Variants in CADPS observed in about 807,000 individuals in gnomAD.
The protein encoded by CADPS is calcium-dependent secretion activator 1.
In CADPS, 57 loss-of-function variants were observed where a neutral mutation model predicts 167.3. That is an observed-to-expected ratio of 0.34 (90% CI 0.28 to 0.42). CADPS has a LOEUF of 0.42. CADPS is among the 20% of genes least tolerant of loss of function. CADPS has a pLI of 1.00. For missense variants in CADPS, 1,414 were observed against 1,738.1 expected, an observed-to-expected ratio of 0.81 and a Z score of 3.32; for synonymous variants, 676 against 635.3, an observed-to-expected ratio of 1.06 and a Z score of -0.96.
intron 8 of CADPS, among the ~76,000 whole-genome samples, chr3:62,573,866 C>T (rs2081781392): frequency 6.6e-6 from 1 of 152,192 alleles, no homozygotes; most frequent in Non-Finnish European, 1.5e-5. Flanking sequence ...AAATACTTAG[C>T]ATAGAAACAT....
rs2059120280 is a variant in CADPS at position 62,597,641 on chromosome 3, A to G, written c.1326-4893T>C. ...TGCTCAGCTCATAAGGCGTGTAACAAGAGTCTGACTGTGGGGCAGTCAGTG... is the reference window on the plus strand; with the variant it reads ...TGCTCAGCTCATAAGGCGTGTAACAGGAGTCTGACTGTGGGGCAGTCAGTG... On this transcript the variant is annotated intron_variant, in intron 6 of 29. Transcript: ENST00000383710. Among the ~76,000 whole-genome samples, 3 of 152,166 alleles carry G rather than the reference A, an allele frequency of 2.0e-5. No homozygotes were observed. In the East Asian group the frequency reaches 5.8e-4, roughly 29 times the overall value.
chr3:62,808,533 G>C (rs1171336188), intron 1 of CADPS, among the ~76,000 whole-genome samples: 1 of 152,024 alleles, frequency 6.6e-6, no homozygotes, highest in African/African-American at 2.4e-5. Context: ...TATCTTATTT[G>C]TATAATTTCT....
intron 24 of CADPS, among the ~76,000 whole-genome samples, chr3:62,472,571 C>T (rs1257634605): frequency 6.6e-6 from 1 of 152,172 alleles, no homozygotes; most frequent in Non-Finnish European, 1.5e-5. Flanking sequence ...AGAGGGCCAC[C>T]TGGCAGCTTG....
intron 6 of CADPS, among the ~76,000 whole-genome samples, chr3:62,608,123 C>G (rs2060949082): frequency 6.6e-6 from 1 of 152,098 alleles, no homozygotes; most frequent in South Asian, 2.1e-4. Flanking sequence ...TTCCCAGTTG[C>G]ATCTGGGGCT....
Position 62,438,191 on chromosome 3 carries a change from G to T in CADPS, c.3690C>A (p.Ala1230=), listed in dbSNP as rs982168584. Residue 1230 remains alanine, a synonymous_variant, in exon 28 of 30, where the codon GCC becomes GCA. Coordinates refer to ENST00000383710, the MANE Select transcript of CADPS (RefSeq NM_003716.4). The surrounding 1 kb of genome is among the most constrained non-coding windows in gnomAD (Gnocchi z 4.7). ...GGCGGACGAAAGTCACGTAGGCGTC[G>T]GCCACGTCCATCCCGGGTTTCTGTA... is the stretch of plus-strand genomic sequence containing the variant. ...VDVPKPGMDV[A]DAYVTFVRHS... 5.6e-6 allele frequency: 9 copies of T among 1,613,426 alleles called. No individual in the cohort carries two copies. Among genetic ancestry groups the T allele is most frequent in the Non-Finnish European group, 7.6e-6 (9 of 1,179,512 alleles).
chr3:62,404,167 G>T (rs1411097308), intron 28 of CADPS: 1 of 152,310 alleles, frequency 6.6e-6, no homozygotes, highest in East Asian at 1.9e-4. Context: ...AAATGAAAAG[G>T]TGTGGATGGA....
At chr3:62,429,792 G>A (rs2053566181) in intron 28 of CADPS, among the ~76,000 whole-genome samples, 1 of 152,122 alleles carries the variant, frequency 6.6e-6, no homozygotes, top group African/African-American at 2.4e-5. Flanking sequence ...ACGTAACAGA[G>A]CAATCAGCTT....
At chr3:62,550,358 G>A (rs1452081) in intron 10 of CADPS, among the ~76,000 whole-genome samples, 93,935 of 151,706 alleles carry the variant, frequency 0.62, 30,978 homozygotes, top group Admixed American at 0.74. Flanking sequence ...TGCCAAGCAG[G>A]CTGCCTGCTT....
At position 62,753,564 on chromosome 3, in the gene CADPS, C is replaced by T; in HGVS notation, c.765G>A (p.Gln255=). The T allele has an allele frequency of 6.2e-7, 1 of 1,614,162 alleles. No homozygotes were observed. Among genetic ancestry groups the T allele is most frequent in the Non-Finnish European group, 8.5e-7 (1 of 1,180,038 alleles). The change falls in exon 3 of 30, where the codon CAG becomes CAA. Residue 255 remains glutamine, a synonymous_variant. Transcript: ENST00000383710. This position sits in a 1 kb window ranked among gnomAD's most constrained non-coding sequence, Gnocchi z 4.6. ...AGGCTGCGCTGGCTGTCATCCGGGC[C>T]TGCTGCTTCCGCGGGTCCTCTTCTC... ...YRGEEDPRKQ[Q]ARMTASAASE...
intron 1 of CADPS, among the ~76,000 whole-genome samples, chr3:62,811,443 C>T (rs2094391551): frequency 6.6e-6 from 1 of 152,166 alleles, no homozygotes; most frequent in Non-Finnish European, 1.5e-5. Flanking sequence ...ATGCATTGGG[C>T]ACTATGGATT....
chr3:62,790,429 G>A (rs928351879), intron 1 of CADPS, among the ~76,000 whole-genome samples: 2 of 151,956 alleles, frequency 1.3e-5, no homozygotes, highest in African/African-American at 4.8e-5. Flanking sequence ...ATGTCTCCAT[G>A]TATATTTGTT....
At chr3:62,550,670 G>A (rs1309864487) in intron 10 of CADPS, among the ~76,000 whole-genome samples, 1 of 152,112 alleles carries the variant, frequency 6.6e-6, no homozygotes, top group Non-Finnish European at 1.5e-5. Flanking sequence ...AGGACCACAT[G>A]TTGAGTAGCA....
At chr3:62,543,666 AC>A (rs1191541911) in intron 11 of CADPS, among the ~76,000 whole-genome samples, 5 of 152,120 alleles carry the variant, frequency 3.3e-5, no homozygotes, top group African/African-American at 1.2e-4. Flanking sequence ...AAAGAAGGAA[AC>A]AAAAAAAATT....
intron 1 of CADPS, among the ~76,000 whole-genome samples, chr3:62,844,620 C>T (rs1426778898): frequency 3.9e-5 from 6 of 152,164 alleles, no homozygotes; most frequent in African/African-American, 9.7e-5. Context: ...GCGTAGGTAT[C>T]GGGGTCTATA....
chr3:62,741,682 A>C (rs529481567), intron 3 of CADPS, among the ~76,000 whole-genome samples: 27 of 152,198 alleles, frequency 1.8e-4, no homozygotes, highest in Non-Finnish European at 3.1e-4. Context: ...GAACAGGCAA[A>C]AGCTGGAGGC....
chr3:62,855,046 T>A (rs2079386029), intron 1 of CADPS, among the ~76,000 whole-genome samples: 1 of 145,776 alleles, frequency 6.9e-6, no homozygotes, highest in African/African-American at 2.5e-5. Flanking sequence ...TGCCTCAGCC[T>A]CCCCAGTAGC....
chr3:62,845,047 T>C (rs2077191074), intron 1 of CADPS, among the ~76,000 whole-genome samples: 1 of 152,218 alleles, frequency 6.6e-6, no homozygotes, highest in Non-Finnish European at 1.5e-5. Flanking sequence ...GTGGTACTTT[T>C]AGCTCTACCT....
chr3:62,705,032 G>C lies in CADPS; in HGVS notation c.889-42638C>G, dbSNP rs569942615. ...ATACCTGCACCTTGATGATGCTTGG[G>C]ATTCCAGCTTAGCCTTAAAAGTAAC... On this transcript the variant is annotated intron_variant, in intron 3 of 29. Coordinates refer to ENST00000383710, the MANE Select transcript of CADPS (RefSeq NM_003716.4). Among the ~76,000 whole-genome samples the C allele has an allele frequency of 2.0e-5, 3 of 152,192 alleles. No homozygotes were observed. In the South Asian group the frequency reaches 6.2e-4, roughly 32 times the overall value.
At chr3:62,549,870 G>A (rs201329413) in intron 11 of CADPS, 33 bp downstream of exon 11, 4 of 1,534,770 alleles carry the variant, frequency 2.6e-6, no homozygotes, top group Non-Finnish European at 3.6e-6. Context: ...TTACTCTACA[G>A]AGCTATTTTT....
Sources: gnomAD v4.1 joint callset for allele counts (sites outside exome capture counted in the v4.1 genomes callset) on GRCh38, gnomAD v4.1.1 for gene constraint, Gnocchi (gnomAD v3.1) non-coding constraint, MANE v1.5 for transcripts, NCBI Gene and HGNC (gene_info 2026-07-23, HGNC 2026-07-21) for gene names.